Variants in LHX8 observed in about 807,000 individuals in gnomAD.
LHX8 encodes LIM/homeobox protein Lhx8.
A neutral mutation model predicts 40.3 loss-of-function variants in LHX8; 12 were observed. That is an observed-to-expected ratio of 0.30 (90% CI 0.19 to 0.48). The LOEUF (loss-of-function observed/expected upper bound fraction) is 0.48. Ranked by LOEUF, LHX8 falls within the 20% of genes least tolerant of loss-of-function variation. LHX8 has a pLI of 0.99. For missense variants in LHX8, 344 were observed against 433.7 expected (o/e 0.79, Z 1.84); for synonymous variants, 179 against 162.0 (o/e 1.10, Z -0.80).
intron 4 of LHX8, 132 bp from the exon 5 acceptor site, chr1:75,142,986 G>A: frequency 1.4e-6 from 1 of 735,444 alleles, no homozygotes; most frequent in Non-Finnish European, 2.3e-6. Flanking sequence ...ATTGATTCTT[G>A]TTTCATTCTC....
the LHX8 span, among the ~76,000 whole-genome samples, chr1:75,175,984 C>T: frequency 4.6e-5 from 7 of 152,174 alleles, no homozygotes; most frequent in Admixed American, 2.0e-4. Context: ...ATCCATGTAG[C>T]TACAAAGGAC....
At chr1:75,142,830 A>T (rs1352378550) in intron 4 of LHX8, among the ~76,000 whole-genome samples, 1 of 152,166 alleles carries the variant, frequency 6.6e-6, no homozygotes, top group African/African-American at 2.4e-5. Context: ...TATTTGATAC[A>T]ACAAAAGGGA....
chr1:75,179,374 T>C, the LHX8 span, among the ~76,000 whole-genome samples: 2 of 152,212 alleles, frequency 1.3e-5, no homozygotes, highest in Non-Finnish European at 2.9e-5. Flanking sequence ...GGTGCATATA[T>C]ATTTAGGATA....
rs977937781 is a variant in LHX8 at position 75,160,935 on chromosome 1, T to A, written c.*40T>A. On this transcript the variant is annotated 3_prime_UTR_variant, in exon 9 of 9. Transcript: ENST00000356261. ...ATAGACTTGATTAAGGATATAAATT[T>A]GTCATTTATTATGTATAAAATACCA... The A allele has an allele frequency of 1.4e-6, 2 of 1,394,494 alleles. No individual in the cohort carries two copies. The highest frequency in any genetic ancestry group is 2.0e-6 in the Non-Finnish European group (2 of 980,136). 86.4% of individuals were successfully genotyped at this position (1,394,494 alleles called of 1,614,324 possible). A position where few individuals can be genotyped will look rare whatever the true frequency, so the allele number is the denominator to read the frequency against.
At chr1:75,135,190 G>A (rs1222138514) in intron 1 of LHX8, among the ~76,000 whole-genome samples, 11 of 152,214 alleles carry the variant, frequency 7.2e-5, no homozygotes, top group Admixed American at 5.9e-4. Flanking sequence ...GAAAACCGCA[G>A]GGCACAAAAC....
Position 75,136,656 on chromosome 1 carries a change from G to C in LHX8, c.42G>C (p.Gly14=), listed in dbSNP as rs1408331859. The change falls in exon 2 of 9, where the codon GGG becomes GGC. Residue 14 remains glycine (G), a synonymous_variant. Coordinates refer to ENST00000356261, the MANE Select transcript of LHX8 (RefSeq NM_001256114.2). ...GGCGGACTACAGCCCTGGCGGCCGGGAGGACTCGCAAAGGCGCCGGGGAAG... is the reference window on the plus strand; with the variant it reads ...GGCGGACTACAGCCCTGGCGGCCGGCAGGACTCGCAAAGGCGCCGGGGAAG... ...ECGRTTALAA[G]RTRKGAGEEG... 1.3e-6 allele frequency: 2 copies of C among 1,548,642 alleles called. No individual in the cohort carries two copies. The highest frequency in any genetic ancestry group is 8.7e-7 in the Non-Finnish European group (1 of 1,146,760).
the LHX8 span, among the ~76,000 whole-genome samples, chr1:75,171,473 T>C: frequency 3.9e-5 from 6 of 152,076 alleles, no homozygotes; most frequent in Non-Finnish European, 1.5e-5. Context: ...TGTGCTAACC[T>C]GCATGGATGC....
chr1:75,181,905 T>C, the LHX8 span, among the ~76,000 whole-genome samples: 14 of 152,304 alleles, frequency 9.2e-5, no homozygotes, highest in African/African-American at 2.6e-4. Flanking sequence ...TAGTCCTTCG[T>C]TGGGTGCATA....
chr1:75,136,521 C>G, intron 1 of LHX8, 82 bp from the exon 2 acceptor site: 1 of 1,061,544 alleles, frequency 9.4e-7, no homozygotes, highest in Non-Finnish European at 1.4e-6. Context: ...TTAGCTCGCT[C>G]CCCGCGCCGA....
the LHX8 span, among the ~76,000 whole-genome samples, chr1:75,178,102 CT>C: frequency 6.6e-6 from 1 of 152,102 alleles, no homozygotes; most frequent in African/African-American, 2.4e-5. Flanking sequence ...GATTTTTGCA[CT>C]GATGTTCATC....
the LHX8 span, among the ~76,000 whole-genome samples, chr1:75,189,772 A>T: frequency 6.6e-6 from 1 of 152,220 alleles, no homozygotes; most frequent in Non-Finnish European, 1.5e-5. Context: ...TCTAAGATTG[A>T]TATCTATCAT....
At position 75,144,688 on chromosome 1, in the gene LHX8, TAATG is replaced by T. The variant is rs1227154873; in HGVS notation, c.684+743_684+746del. Among the ~76,000 whole-genome samples, 5 of 152,138 alleles carry T rather than the reference TAATG, an allele frequency of 3.3e-5. No homozygotes were observed. The South Asian group carries it at 8.3e-4, about 25-fold the overall frequency. On this transcript the variant is annotated intron_variant, in intron 6 of 8. Transcript: ENST00000356261. ...TGATTCCTTCTGGCATTTTTGCAGA[TAATG>T]AAATCATATTTTCTAAAAGATTAAT...
At chr1:75,173,302 C>G in the LHX8 span, among the ~76,000 whole-genome samples, 1 of 151,108 alleles carries the variant, frequency 6.6e-6, no homozygotes, top group Non-Finnish European at 1.5e-5. Flanking sequence ...GAGACTTGAG[C>G]ACAGGTCACA....
At chr1:75,195,561 A>C in the LHX8 span, among the ~76,000 whole-genome samples, 2 of 152,038 alleles carry the variant, frequency 1.3e-5, no homozygotes, top group Non-Finnish European at 2.9e-5. Flanking sequence ...CTCTTGGCTC[A>C]CAACCTCTCT....
chr1:75,194,972 G>A, the LHX8 span, among the ~76,000 whole-genome samples: 11 of 152,248 alleles, frequency 7.2e-5, no homozygotes, highest in East Asian at 1.9e-4. Flanking sequence ...TGTTTTGCTC[G>A]GTGAGGAAAC....
At chr1:75,160,736 T>A in intron 8 of LHX8, 83 bp from the exon 9 acceptor site, 1 of 926,550 alleles carries the variant, frequency 1.1e-6, no homozygotes, top group African/African-American at 1.6e-5. Flanking sequence ...ATGAAAACAA[T>A]GCCTTGGATT....
Position 75,141,009 on chromosome 1 carries a change from C to G in LHX8, c.262C>G (p.Arg88Gly). 1 of 1,613,530 alleles carries G rather than the reference C, an allele frequency of 6.2e-7. No individual in the cohort carries two copies. Residue 88 changes from arginine to glycine, a missense_variant, in exon 4 of 9, where the codon CGG becomes GGG. Arg to Gly is a moderately radical substitution (Grantham distance 125). Transcript: ENST00000356261. ...LKVNDLCWHV[R>G]CLSCSVCRTS... ...GGTGAATGACCTATGCTGGCATGTC[C>G]GGTGTCTCTCCTGCAGTGTTTGCAG... is the stretch of plus-strand genomic sequence containing the variant.
chr1:75,143,403 T>C (rs1648373776), intron 5 of LHX8, 65 bp downstream of exon 5: 2 of 1,216,808 alleles, frequency 1.6e-6, no homozygotes, highest in African/African-American at 1.5e-5. Context: ...AAAATAACTT[T>C]TCCTAAGGTC....
upstream of LHX8, chr1:75,130,876 GTGGTTT>G (rs1647943689): frequency 4.7e-6 from 4 of 843,248 alleles, no homozygotes; most frequent in African/African-American, 6.6e-5. Context: ...CAGTTTCAGA[GTGGTTT>G]TAGCTGAGAT....
Sources: gnomAD v4.1 joint callset for allele counts (sites outside exome capture counted in the v4.1 genomes callset) on GRCh38, gnomAD v4.1.1 for gene constraint, MANE v1.5 for transcripts, NCBI Gene and HGNC (gene_info 2026-07-23, HGNC 2026-07-21) for gene names.